Variants in UBE3D observed in about 807,000 individuals in gnomAD.
UBE3D encodes the protein E3 ubiquitin-protein ligase E3D.
Under a neutral mutation model 49.6 loss-of-function variants are expected in UBE3D, and 48 were observed. That is an observed-to-expected ratio of 0.97 (90% confidence interval 0.77 to 1.23). The LOEUF is 1.23. UBE3D is among the 50% of genes most tolerant of loss of function. UBE3D has a pLI of 0.00. For synonymous variants in UBE3D, 189 were observed against 174.2 expected (o/e 1.08, Z -0.67); for missense variants, 452 against 468.4 (o/e 0.96, Z 0.32).
downstream of UBE3D, among the ~76,000 whole-genome samples, chr6:82,889,954 G>T (rs1770951193): frequency 6.6e-6 from 1 of 151,288 alleles, no homozygotes; most frequent in Non-Finnish European, 1.5e-5. Context: ...AGAACCACTT[G>T]TTTACAGCAG....
chr6:82,902,985 G>T (rs1771845000), intron 9 of UBE3D, among the ~76,000 whole-genome samples: 1 of 152,146 alleles, frequency 6.6e-6, no homozygotes, highest in Non-Finnish European at 1.5e-5. Context: ...CTAGTAACAA[G>T]ACTAGGGGTG....
At chr6:82,936,554 A>C (rs1432641660) in intron 9 of UBE3D, among the ~76,000 whole-genome samples, 1 of 152,202 alleles carries the variant, frequency 6.6e-6, no homozygotes, top group East Asian at 1.9e-4. Flanking sequence ...ATAAGGAGCC[A>C]GCACTGAAAC....
intron 8 of UBE3D, among the ~76,000 whole-genome samples, chr6:82,961,545 A>C (rs1319154653): frequency 1.3e-5 from 2 of 152,200 alleles, no homozygotes; most frequent in Admixed American, 1.3e-4. Flanking sequence ...GCCCGAATGC[A>C]AAGTCTGTGC....
chr6:82,912,134 C>T (rs570087134), intron 9 of UBE3D, among the ~76,000 whole-genome samples: 95 of 152,238 alleles, frequency 6.2e-4, no homozygotes, highest in African/African-American at 2.2e-3. Context: ...GGCACACAGT[C>T]CTTCCTCCCT....
At chr6:82,896,991 G>A (rs973654925) in intron 9 of UBE3D, among the ~76,000 whole-genome samples, 7 of 151,540 alleles carry the variant, frequency 4.6e-5, no homozygotes, top group South Asian at 2.1e-4. Flanking sequence ...CACCCGCCCC[G>A]GCCTCCCAAA....
chr6:83,006,373 T>C (rs917324055), intron 8 of UBE3D, among the ~76,000 whole-genome samples: 5 of 152,200 alleles, frequency 3.3e-5, no homozygotes, highest in African/African-American at 1.2e-4. Context: ...AGGACCCCAA[T>C]GTCCCTGTAT....
intron 3 of UBE3D, 142 bp downstream of exon 3, chr6:83,054,006 A>G (rs914516709): frequency 4.6e-6 from 3 of 650,076 alleles, no homozygotes; most frequent in East Asian, 5.6e-5. Flanking sequence ...TTTTGTGGCT[A>G]ATTTTGTTCA....
chr6:82,949,727 C>T (rs1296259402), intron 9 of UBE3D, among the ~76,000 whole-genome samples: 3 of 151,780 alleles, frequency 2.0e-5, no homozygotes, highest in South Asian at 2.1e-4. Flanking sequence ...ACAGTGAACT[C>T]ATTTTTTACA....
chr6:82,955,828 T>A (rs1345088502), intron 9 of UBE3D, among the ~76,000 whole-genome samples: 1 of 152,176 alleles, frequency 6.6e-6, no homozygotes, highest in Non-Finnish European at 1.5e-5. Flanking sequence ...ACTGAGTGTT[T>A]CCTGGCCAAT....
At chr6:83,030,816 G>A (rs768573440) in intron 5 of UBE3D, among the ~76,000 whole-genome samples, 1 of 152,132 alleles carries the variant, frequency 6.6e-6, no homozygotes, top group Non-Finnish European at 1.5e-5. Flanking sequence ...TGGCCAAAAT[G>A]CTGATAGTGA....
intron 5 of UBE3D, among the ~76,000 whole-genome samples, chr6:83,029,414 A>G (rs577257625): frequency 2.0e-5 from 3 of 152,146 alleles, no homozygotes; most frequent in Non-Finnish European, 4.4e-5. Flanking sequence ...CTTTACGGTT[A>G]CAGTACATTT....
chr6:82,887,837 A>G (rs1350964530), downstream of UBE3D, among the ~76,000 whole-genome samples: 1 of 152,168 alleles, frequency 6.6e-6, no homozygotes. Flanking sequence ...TATGAAGAGA[A>G]AGTTTCAAGT....
intron 8 of UBE3D, among the ~76,000 whole-genome samples, chr6:82,969,435 C>T (rs1174982368): frequency 3.3e-5 from 5 of 151,994 alleles, no homozygotes; most frequent in Admixed American, 6.6e-5. Context: ...AGTGAAATCC[C>T]GTCTTTACTA....
At chr6:82,965,531 C>T (rs1240736381) in intron 8 of UBE3D, among the ~76,000 whole-genome samples, 1 of 146,976 alleles carries the variant, frequency 6.8e-6, no homozygotes, top group Non-Finnish European at 1.5e-5. Flanking sequence ...TGCGGTGAGC[C>T]GAGATACCGC....
intron 1 of UBE3D, among the ~76,000 whole-genome samples, chr6:83,060,731 T>G (rs181115645): frequency 6.6e-6 from 1 of 152,046 alleles, no homozygotes; most frequent in Non-Finnish European, 1.5e-5. Flanking sequence ...TGCTGGAACA[T>G]GAAGAAATCA....
At position 82,964,607 on chromosome 6, in the gene UBE3D, T is replaced by C. The variant is rs115722878; in HGVS notation, c.1011-7157A>G. On this transcript the variant is annotated intron_variant, in intron 8 of 9. Coordinates refer to ENST00000369747, the MANE Select transcript of UBE3D (RefSeq NM_198920.3). ...ATACCTGTAAATTTTAGATGCTCAC[T>C]TTCAAAGCTACGCCAATGATATGTC... Among the ~76,000 whole-genome samples the C allele has an allele frequency of 8.6e-3, 1,303 of 152,308 alleles. 21 individuals are homozygous for C. The highest frequency in any genetic ancestry group is 0.029 in the African/African-American group (1,203 of 41,560).
intron 9 of UBE3D, among the ~76,000 whole-genome samples, chr6:82,928,079 A>G (rs1326852584): frequency 1.3e-5 from 2 of 152,042 alleles, no homozygotes; most frequent in Admixed American, 6.6e-5. Context: ...AGGTTCATCA[A>G]CTGTAACAAA....
At chr6:82,981,263 C>G (rs1778103057) in intron 8 of UBE3D, among the ~76,000 whole-genome samples, 1 of 152,016 alleles carries the variant, frequency 6.6e-6, no homozygotes, top group African/African-American at 2.4e-5. Context: ...AATATTTGCC[C>G]TTTAAGCTTC....
intron 9 of UBE3D, among the ~76,000 whole-genome samples, chr6:82,933,779 T>C (rs1774340790): frequency 6.6e-6 from 1 of 152,134 alleles, no homozygotes; most frequent in Non-Finnish European, 1.5e-5. Flanking sequence ...TATCAGGCAA[T>C]GACAGATAAA....
Sources: allele counts gnomAD v4.1 joint callset (sites outside exome capture counted in the v4.1 genomes callset), GRCh38; gene constraint gnomAD v4.1.1; transcripts MANE v1.5; gene names NCBI Gene and HGNC (gene_info 2026-07-23, HGNC 2026-07-21).